Variants in DCC observed in about 807,000 individuals in gnomAD.
The protein encoded by DCC is netrin receptor DCC.
A neutral mutation model predicts 172.5 loss-of-function variants in DCC; 58 were observed. The observed-to-expected ratio is 0.34, with a 90% CI of 0.27 to 0.42. The LOEUF (loss-of-function observed/expected upper bound fraction) is 0.42, where lower values mean the gene tolerates loss of function less well. Ranked by LOEUF, DCC falls within the 10% of genes least tolerant of loss-of-function variation. The pLI is 1.00. For missense variants in DCC, 1,740 were observed against 1,791.0 expected, an observed-to-expected ratio of 0.97 and a Z score of 0.51; for synonymous variants, 709 against 644.5, an observed-to-expected ratio of 1.10 and a Z score of -1.52.
intron 27 of DCC, 78 bp downstream of exon 27, chr18:53,499,588 A>G: frequency 8.5e-7 from 1 of 1,177,626 alleles, no homozygotes; most frequent in East Asian, 2.3e-5. Context: ...GGTGCTTGAG[A>G]AGGCCTAGAT....
At chr18:52,682,559 C>T (rs1400605705) in intron 1 of DCC, among the ~76,000 whole-genome samples, 1 of 152,016 alleles carries the variant, frequency 6.6e-6, no homozygotes, top group African/African-American at 2.4e-5. Context: ...CAGAGCATTA[C>T]AGGGAAGTCA....
chr18:52,714,945 T>C (rs945562195), intron 1 of DCC, among the ~76,000 whole-genome samples: 6 of 152,196 alleles, frequency 3.9e-5, no homozygotes, highest in African/African-American at 1.4e-4. Flanking sequence ...CCAAGGAGTA[T>C]GTATCTTATC....
At chr18:53,125,719 C>T (rs529023112) in intron 7 of DCC, among the ~76,000 whole-genome samples, 1 of 152,208 alleles carries the variant, frequency 6.6e-6, no homozygotes, top group African/African-American at 2.4e-5. Context: ...TTAACCATGC[C>T]ATCTCAACAC....
At chr18:53,036,629 C>G (rs1448586135) in intron 5 of DCC, among the ~76,000 whole-genome samples, 1 of 151,976 alleles carries the variant, frequency 6.6e-6, no homozygotes, top group Non-Finnish European at 1.5e-5. Flanking sequence ...TACGTCTACA[C>G]TGGGTATTAT....
intron 1 of DCC, among the ~76,000 whole-genome samples, chr18:52,715,550 C>T (rs752435365): frequency 6.6e-6 from 1 of 152,066 alleles, no homozygotes; most frequent in East Asian, 1.9e-4. Context: ...AGTCATCTGC[C>T]TGCCTCAGCC....
At chr18:52,953,914 A>C (rs959758179) in intron 5 of DCC, among the ~76,000 whole-genome samples, 1 of 152,224 alleles carries the variant, frequency 6.6e-6, no homozygotes, top group Non-Finnish European at 1.5e-5. Context: ...TCGGAGTTTC[A>C]TGAGTGTTGG....
At chr18:52,795,931 TATTGA>T (rs2037866981) in intron 2 of DCC, among the ~76,000 whole-genome samples, 1 of 152,042 alleles carries the variant, frequency 6.6e-6, no homozygotes, top group South Asian at 2.1e-4. Context: ...TCAATAATGT[TATTGA>T]ATCAATATAG....
chr18:53,502,664 G>A (rs2046118093), intron 27 of DCC, among the ~76,000 whole-genome samples: 1 of 152,086 alleles, frequency 6.6e-6, no homozygotes, highest in Non-Finnish European at 1.5e-5. Flanking sequence ...TCACAAGAAA[G>A]GACTGCATAA....
At chr18:53,364,630 C>T (rs1017280001) in intron 15 of DCC, among the ~76,000 whole-genome samples, 23 of 152,086 alleles carry the variant, frequency 1.5e-4, no homozygotes, top group Non-Finnish European at 3.1e-4. Flanking sequence ...GATGGTGACT[C>T]GGGGGAAAAA....
At position 53,499,353 on chromosome 18, in the gene DCC, T is replaced by C. The variant is rs752399098; in HGVS notation, c.3954T>C (p.Pro1318=). 6.2e-7 allele frequency: 1 copy of C among 1,613,984 alleles called. No homozygotes were observed. The highest frequency in any genetic ancestry group is 8.5e-7 in the Non-Finnish European group (1 of 1,180,018). The change falls in exon 27 of 29, where the codon CCT becomes CCC. Residue 1318 remains proline, a synonymous_variant. Coordinates refer to ENST00000442544, the MANE Select transcript of DCC (RefSeq NM_005215.4). ...QQPPMLPPSQ[P]EHSSSEEAPS... ...CACCTATGCTGCCCCCATCTCAGCC[T>C]GAGCATTCTAGCAGCGAGGAGGCAC...
chr18:52,469,483 T>C (rs955661034), intron 1 of DCC, among the ~76,000 whole-genome samples: 1 of 152,212 alleles, frequency 6.6e-6, no homozygotes, highest in Non-Finnish European at 1.5e-5. Flanking sequence ...TATGTTTGAA[T>C]ATTTGAATAT....
intron 12 of DCC, among the ~76,000 whole-genome samples, chr18:53,243,764 C>T (rs572256740): frequency 2.0e-5 from 3 of 152,262 alleles, no homozygotes; most frequent in Non-Finnish European, 4.4e-5. Flanking sequence ...GGTCACTCAA[C>T]TGAAGTGAAG....
In DCC at chr18:53,351,422, CTG is replaced by C. The variant is rs57775458; in HGVS notation, c.2359+11519_2359+11520del. Among the ~76,000 whole-genome samples, 14 of 15,072 alleles carry C rather than the reference CTG, an allele frequency of 9.3e-4. 1 individual carries two copies. Among genetic ancestry groups the C allele is most frequent in the African/African-American group, 2.9e-3 (13 of 4,464 alleles). The allele number at this position is 15,072 out of a possible 152,430, so 9.9% of individuals were successfully genotyped here. On this transcript the variant is annotated intron_variant, in intron 15 of 28. Transcript: ENST00000442544. ...CAGTGTATATATATATATATACACACTGTGTATATATATATACAGTGTATATA... is the reference window on the plus strand; with the variant it reads ...CAGTGTATATATATATATATACACACTGTATATATATATACAGTGTATATA...
chr18:52,946,146 CTG>C (rs1317315728), intron 5 of DCC, among the ~76,000 whole-genome samples: 1 of 152,132 alleles, frequency 6.6e-6, no homozygotes, highest in African/African-American at 2.4e-5. Flanking sequence ...CTTTTAAACT[CTG>C]TGTCCACTGA....
At chr18:53,027,465 T>C (rs149152626) in intron 5 of DCC, among the ~76,000 whole-genome samples, 9 of 152,208 alleles carry the variant, frequency 5.9e-5, no homozygotes, top group Non-Finnish European at 1.2e-4. Flanking sequence ...GGAGAGCCAG[T>C]TTGAAATTGT....
chr18:53,103,145 A>G (rs1224920731), intron 7 of DCC, among the ~76,000 whole-genome samples: 10 of 151,948 alleles, frequency 6.6e-5, no homozygotes, highest in Admixed American at 6.6e-4. Flanking sequence ...CACCATGCAA[A>G]ATTCCGTGGT....
At chr18:53,474,716 C>G (rs1414890254) in intron 25 of DCC, among the ~76,000 whole-genome samples, 1 of 152,190 alleles carries the variant, frequency 6.6e-6, no homozygotes, top group Non-Finnish European at 1.5e-5. Context: ...ACAGGTATGT[C>G]TTTATCAGCA....
intron 13 of DCC, 136 bp downstream of exon 13, chr18:53,305,855 G>C: frequency 1.2e-6 from 1 of 818,424 alleles, no homozygotes; most frequent in East Asian, 2.5e-5. Flanking sequence ...GCTGGAACAA[G>C]AACAACCTTT....
At chr18:53,202,450 G>T (rs1477209961) in intron 9 of DCC, among the ~76,000 whole-genome samples, 1 of 152,102 alleles carries the variant, frequency 6.6e-6, no homozygotes, top group African/African-American at 2.4e-5. Context: ...TTTGCTTATA[G>T]TCAAATGCTA....
Sources: allele counts gnomAD v4.1 joint callset (sites outside exome capture counted in the v4.1 genomes callset), GRCh38; gene constraint gnomAD v4.1.1; transcripts MANE v1.5; gene names NCBI Gene and HGNC (gene_info 2026-07-23, HGNC 2026-07-21).